The following ULK4 variants were observed in gnomAD, a reference collection of about 807,000 sequenced individuals.
The protein encoded by ULK4 is unc-51 like kinase 4, also known as inactive serine/threonine-protein kinase ULK4.
Under a neutral mutation model 160.6 loss-of-function variants are expected in ULK4, and 133 were observed. The ratio of observed to expected loss-of-function variants is 0.83; its 90% CI spans 0.72 to 0.96. ULK4 has a LOEUF of 0.96. Ranked by LOEUF, ULK4 falls within the 40% of genes least tolerant of loss-of-function variation. ULK4 has a pLI of 0.00. For synonymous variants in ULK4, 534 were observed against 539.8 expected (o/e 0.99, Z 0.15); for missense variants, 1,580 against 1,499.5 (o/e 1.05, Z -0.89).
chr3:41,655,294 G>A (rs573204323), intron 30 of ULK4, among the ~76,000 whole-genome samples: 2 of 145,634 alleles, frequency 1.4e-5, no homozygotes, highest in African/African-American at 2.5e-5. Context: ...ACCAAACACC[G>A]CACGTTCTCA....
At chr3:41,795,238 T>G (rs1365486984) in intron 20 of ULK4, among the ~76,000 whole-genome samples, 1 of 152,226 alleles carries the variant, frequency 6.6e-6, no homozygotes, top group Non-Finnish European at 1.5e-5. Flanking sequence ...TAAATCCTCA[T>G]GTAAATCTAT....
At chr3:41,873,303 C>T (rs1240909698) in intron 17 of ULK4, among the ~76,000 whole-genome samples, 1 of 149,152 alleles carries the variant, frequency 6.7e-6, no homozygotes, top group African/African-American at 2.5e-5. Flanking sequence ...CATCTAACTG[C>T]TTCAAGGCAA....
intron 17 of ULK4, chr3:41,859,532 A>G (rs923393693): frequency 3.7e-5 from 20 of 544,254 alleles, no homozygotes; most frequent in Non-Finnish European, 5.2e-5. Flanking sequence ...GGCACCAAGA[A>G]GCCAACGAAG....
intron 32 of ULK4, among the ~76,000 whole-genome samples, chr3:41,533,074 T>C (rs1223649228): frequency 2.0e-5 from 3 of 152,124 alleles, no homozygotes; most frequent in Non-Finnish European, 4.4e-5. Context: ...CTAGCCTCCT[T>C]GAGTATAAGA....
At chr3:41,787,710 A>G (rs1156660284) in intron 21 of ULK4, among the ~76,000 whole-genome samples, 2 of 152,214 alleles carry the variant, frequency 1.3e-5, no homozygotes, top group Admixed American at 6.5e-5. Context: ...GGTTAAAATT[A>G]TAAGTTCTAT....
At chr3:41,539,929 C>G (rs1243964061) in intron 32 of ULK4, among the ~76,000 whole-genome samples, 1 of 152,090 alleles carries the variant, frequency 6.6e-6, no homozygotes, top group Admixed American at 6.6e-5. Flanking sequence ...GTCAATAGGG[C>G]TACTAAGAAT....
In ULK4 at chr3:41,394,080, A is replaced by T. The variant is rs535341425; in HGVS notation, c.3678+3999T>A. On this transcript the variant is annotated intron_variant, in intron 35 of 36. Transcript: ENST00000301831. ...AAAATTCTAACACAGAGACTACCAC[A>T]AGTAGTAACCAACAACTGATGAACA... is the stretch of plus-strand genomic sequence containing the variant. 2.1e-4 allele frequency among the ~76,000 whole-genome samples: 32 copies of T among 152,318 alleles called. No individual in the cohort carries two copies. The South Asian group carries it at 6.4e-3, about 31-fold the overall frequency.
rs546839408 is a variant in ULK4, at chr3:41,939,991, G to A, written c.139-1794C>T. Reference sequence around the variant, plus strand: ...GTCTTCCACAAAACCAGTCCCTGGTGTCAAAACAAGTTGGGTACCGGTGCC... The same window carrying A: ...GTCTTCCACAAAACCAGTCCCTGGTATCAAAACAAGTTGGGTACCGGTGCC... On this transcript the variant is annotated intron_variant, in intron 2 of 36. Transcript: ENST00000301831. Among the ~76,000 whole-genome samples the A allele has an allele frequency of 6.0e-5, 9 of 151,246 alleles. No homozygotes were observed. The South Asian group carries it at 1.9e-3, about 32-fold the overall frequency.
At chr3:41,690,163 T>C (rs565656667) in intron 27 of ULK4, among the ~76,000 whole-genome samples, 10 of 147,372 alleles carry the variant, frequency 6.8e-5, no homozygotes, top group African/African-American at 1.5e-4. Context: ...AAATTGGAAA[T>C]CATCATTCTC....
At chr3:41,330,886 G>C (rs1164819263) in intron 35 of ULK4, among the ~76,000 whole-genome samples, 3 of 152,164 alleles carry the variant, frequency 2.0e-5, no homozygotes, top group Non-Finnish European at 4.4e-5. Flanking sequence ...GAAGAGGCCA[G>C]GAGAAGTGGC....
At chr3:41,783,706 A>T (rs1222888523) in intron 21 of ULK4, among the ~76,000 whole-genome samples, 6 of 152,126 alleles carry the variant, frequency 3.9e-5, no homozygotes, top group African/African-American at 1.4e-4. Flanking sequence ...TGAATCCTAA[A>T]ATTTGTCACT....
At chr3:41,619,507 C>T (rs1299465713) in intron 30 of ULK4, among the ~76,000 whole-genome samples, 1 of 152,126 alleles carries the variant, frequency 6.6e-6, no homozygotes, top group Admixed American at 6.5e-5. Context: ...ACAACCTGCT[C>T]CTGAACGACT....
At chr3:41,893,137 G>A (rs747357677) in intron 16 of ULK4, among the ~76,000 whole-genome samples, 1 of 152,158 alleles carries the variant, frequency 6.6e-6, no homozygotes, top group Non-Finnish European at 1.5e-5. Context: ...ACCAGGACTG[G>A]GGAAGGAAAG....
chr3:41,484,614 G>T (rs567948417), intron 32 of ULK4, among the ~76,000 whole-genome samples: 2 of 151,846 alleles, frequency 1.3e-5, no homozygotes, highest in Non-Finnish European at 2.9e-5. Flanking sequence ...CACCACACCC[G>T]GCTAATTTTT....
intron 18 of ULK4, among the ~76,000 whole-genome samples, chr3:41,831,644 C>G (rs2041594314): frequency 6.6e-6 from 1 of 151,666 alleles, no homozygotes; most frequent in Non-Finnish European, 1.5e-5. Flanking sequence ...AACCCATCAT[C>G]TAGGTTTTAA....
Position 41,286,347 on chromosome 3 carries a change from C to G in ULK4, c.3679-36773G>C, listed in dbSNP as rs144468900. Among the ~76,000 whole-genome samples, 7 of 152,024 alleles carry G rather than the reference C, an allele frequency of 4.6e-5. No individual in the cohort carries two copies. The East Asian group carries it at 1.4e-3, about 29-fold the overall frequency. On this transcript the variant is annotated intron_variant, in intron 35 of 36. Transcript: ENST00000301831. Reference sequence around the variant, plus strand: ...CTTTTTTTGGCCAGAGAGTAAAGTTCCAGAGCCAGGATTTGGCATTAAGTT... The same window carrying G: ...CTTTTTTTGGCCAGAGAGTAAAGTTGCAGAGCCAGGATTTGGCATTAAGTT...
intron 1 of ULK4, 177 bp downstream of exon 1, chr3:41,961,836 CTTT>C (rs926448245): frequency 2.6e-5 from 4 of 152,540 alleles, no homozygotes; most frequent in Non-Finnish European, 4.4e-5. Flanking sequence ...AAACGGGCGG[CTTT>C]TTTAACACGA....
chr3:41,718,115 A>G (rs2037333773), intron 22 of ULK4, among the ~76,000 whole-genome samples: 1 of 152,320 alleles, frequency 6.6e-6, no homozygotes, highest in East Asian at 1.9e-4. Flanking sequence ...GAAACGAACA[A>G]TATTCTCCAG....
chr3:41,503,933 ATGCTTTGATT>A (rs1471541449), intron 32 of ULK4, among the ~76,000 whole-genome samples: 1 of 152,222 alleles, frequency 6.6e-6, no homozygotes, highest in Admixed American at 6.5e-5. Context: ...ATTTCAATCA[ATGCTTTGATT>A]TTAGAAATAG....
Sources: allele counts gnomAD v4.1 joint callset (sites outside exome capture counted in the v4.1 genomes callset), GRCh38; gene constraint gnomAD v4.1.1; transcripts MANE v1.5; gene names NCBI Gene and HGNC (gene_info 2026-07-23, HGNC 2026-07-21).